PPID: variants seen among roughly 807,000 people sequenced by gnomAD.
The protein encoded by PPID is peptidylprolyl isomerase D.
A neutral mutation model predicts 48.1 loss-of-function variants in PPID; 47 were observed. That is an observed-to-expected ratio of 0.98 (90% CI 0.77 to 1.25). The LOEUF (loss-of-function observed/expected upper bound fraction) is 1.25. Ranked by LOEUF, PPID falls within the 50% of genes most tolerant of loss-of-function variation. The pLI, the probability that PPID is intolerant of heterozygous loss-of-function variation, is 0.00. For missense variants in PPID, 429 were observed against 443.5 expected (o/e 0.97, Z 0.29); for synonymous variants, 163 against 148.8 (o/e 1.10, Z -0.69).
In PPID at chr4:158,715,411, A is replaced by C; in HGVS notation, c.646-8T>G. ...TAATAAAATTTTATCTACCTGTATA[A>C]AAAAATACAAATATGTTGGATTTTA... On this transcript the variant is annotated splice_region_variant and splice_polypyrimidine_tract_variant and intron_variant, in intron 5 of 9. Transcript: ENST00000307720. 1 of 1,493,262 alleles carries C rather than the reference A, an allele frequency of 6.7e-7. No homozygotes were observed. The highest frequency in any genetic ancestry group is 9.0e-7 in the Non-Finnish European group (1 of 1,113,780). The allele number at this position is 1,493,262 out of a possible 1,614,324, so 92.5% of individuals were successfully genotyped here.
chr4:158,717,418 T>C (rs191551887), intron 3 of PPID, among the ~76,000 whole-genome samples: 1 of 152,314 alleles, frequency 6.6e-6, no homozygotes, highest in African/African-American at 2.4e-5. Context: ...ATGGGGCACT[T>C]AATCACTTTA....
At chr4:158,710,151 T>A in intron 9 of PPID, 1 of 343,946 alleles carries the variant, frequency 2.9e-6, no homozygotes, top group South Asian at 4.0e-5. Context: ...TCATAGTTGG[T>A]TTATTTGAAA....
rs6837290 is a variant in PPID, at chr4:158,721,568, G to A, written c.86-85C>T. ...GAAGGTTGGTATAATTATGGTAGCA[G>A]ATCAATCATGAATTACCAAGTTCCC... On this transcript the variant is annotated intron_variant, in intron 1 of 9. Transcript: ENST00000307720. The A allele has an allele frequency of 4.8e-4, 689 of 1,448,836 alleles. 2 individuals are homozygous for A. In the African/African-American group the frequency reaches 9.2e-3, roughly 19 times the overall value. The allele number at this position is 1,448,836 out of a possible 1,614,324, so 89.7% of individuals were successfully genotyped here. A position where few individuals can be genotyped will look rare whatever the true frequency, so the allele number is the denominator to read the frequency against.
chr4:158,718,671 A>C (rs1348794244), intron 3 of PPID, among the ~76,000 whole-genome samples: 2 of 152,186 alleles, frequency 1.3e-5, no homozygotes, highest in Non-Finnish European at 2.9e-5. Flanking sequence ...TTGTACTTAC[A>C]TGTCCATTCT....
rs1774869388 is a variant in PPID at position 158,716,164 on chromosome 4, G to A, written c.523-480C>T. Among the ~76,000 whole-genome samples the A allele has an allele frequency of 1.3e-5, 2 of 151,638 alleles. 1 individual carries two copies. Among genetic ancestry groups the A allele is most frequent in the Admixed American group, 1.3e-4 (2 of 15,204 alleles). ...TGGTTTCCAACTCCTGGTCTCAAGT[G>A]ATCCTCCCACCTCAGCCTCCCAAAG... On this transcript the variant is annotated intron_variant, in intron 4 of 9. Transcript: ENST00000307720.
chr4:158,709,879 GTGAC>G, intron 9 of PPID, 55 bp from the exon 10 acceptor site: 2 of 1,415,576 alleles, frequency 1.4e-6, no homozygotes, highest in Non-Finnish European at 2.0e-6. Context: ...AAAAATTATG[GTGAC>G]TAACAAACTA....
intron 9 of PPID, chr4:158,710,420 T>A: frequency 1.6e-6 from 1 of 611,846 alleles, no homozygotes; most frequent in Non-Finnish European, 2.9e-6. Context: ...AACTACTATA[T>A]TCTTGAATGG....
chr4:158,720,699 T>A (rs75889314), intron 2 of PPID, among the ~76,000 whole-genome samples: 12 of 34,896 alleles, frequency 3.4e-4, no homozygotes, highest in Non-Finnish European at 4.5e-4. Flanking sequence ...AATTATGCAT[T>A]TTTTTGTTTG....
intron 7 of PPID, among the ~76,000 whole-genome samples, chr4:158,711,744 C>G (rs1333659510): frequency 6.6e-6 from 1 of 151,882 alleles, no homozygotes; most frequent in Non-Finnish European, 1.5e-5. Flanking sequence ...GGCGGGTGGA[C>G]AGCTTGAGCC....
At chr4:158,714,631 C>T (rs1226550337) in intron 6 of PPID, among the ~76,000 whole-genome samples, 1 of 151,130 alleles carries the variant, frequency 6.6e-6, no homozygotes, top group Non-Finnish European at 1.5e-5. Context: ...CACTCTGTCG[C>T]CCAGGCTGGA....
intron 4 of PPID, 32 bp from the exon 5 acceptor site, chr4:158,715,716 A>C (rs1394875938): frequency 6.3e-7 from 1 of 1,589,380 alleles, no homozygotes; most frequent in South Asian, 1.1e-5. Flanking sequence ...GTAGAAGTGC[A>C]CTATCGTAAT....
chr4:158,715,130 T>C (rs911616268), intron 6 of PPID, among the ~76,000 whole-genome samples, 167 bp downstream of exon 6: 2 of 125,832 alleles, frequency 1.6e-5, no homozygotes, highest in Non-Finnish European at 3.3e-5. Context: ...CTTCTGTCTT[T>C]TGAAATTTCT....
At chr4:158,714,592 CTTTT>C (rs113579328) in intron 6 of PPID, among the ~76,000 whole-genome samples, 3 of 141,972 alleles carry the variant, frequency 2.1e-5, no homozygotes, top group Non-Finnish European at 3.1e-5. Flanking sequence ...ATATGGATTA[CTTTT>C]TTTTTTTTTT....
At chr4:158,713,772 G>T (rs976635935) in intron 6 of PPID, among the ~76,000 whole-genome samples, 11 of 100,298 alleles carry the variant, frequency 1.1e-4, no homozygotes, top group Non-Finnish European at 1.8e-4. Flanking sequence ...GGTAAGATGA[G>T]CTTAGAGCAA....
intron 4 of PPID, among the ~76,000 whole-genome samples, chr4:158,716,002 C>T (rs565782076): frequency 6.6e-6 from 1 of 152,294 alleles, no homozygotes; most frequent in Admixed American, 6.5e-5. Flanking sequence ...TGACAGCCTA[C>T]CTCCTACAAG....
In PPID at chr4:158,723,181, C is replaced by T. The variant is rs757659142; in HGVS notation, c.85+23G>A. On this transcript the variant is annotated intron_variant, in intron 1 of 9. Transcript: ENST00000307720. ...AACCCCCGCCTCCTCGGGGCTTTTC[C>T]GCGAGCGTCAGACTCCGCTCACCTC... 6 of 1,605,092 alleles carry T rather than the reference C, an allele frequency of 3.7e-6. No homozygotes were observed. The African/African-American group carries it at 4.0e-5, about 11-fold the overall frequency.
intron 7 of PPID, among the ~76,000 whole-genome samples, chr4:158,711,159 A>G (rs576560594): frequency 1.3e-5 from 2 of 152,306 alleles, no homozygotes; most frequent in African/African-American, 4.8e-5. Flanking sequence ...TACACTTTTT[A>G]CTTGAATTAT....
chr4:158,715,651 C>G lies in PPID; in HGVS notation c.556G>C (p.Glu186Gln), dbSNP rs1211094428. ...CVIAECGELK[E>Q]GDDGGIFPKD... ...GGGAATATTCCCCCGTCATCTCCTT[C>G]CTTCAATTCTCCACATTCTGCAATA... The change falls in exon 5 of 10, where the codon GAA (glutamate) becomes CAA (glutamine). Residue 186 changes from glutamate to glutamine, a missense_variant. Transcript: ENST00000307720. 1 of 1,610,314 alleles carries G rather than the reference C, an allele frequency of 6.2e-7. No individual in the cohort carries two copies. The highest frequency in any genetic ancestry group is 1.3e-5 in the African/African-American group (1 of 74,838).
chr4:158,716,976 G>A, intron 4 of PPID, 36 bp downstream of exon 4: 1 of 1,573,444 alleles, frequency 6.4e-7, no homozygotes, highest in Non-Finnish European at 8.7e-7. Flanking sequence ...TAGCAACTAA[G>A]ATAATAAGTG....
Sources: gnomAD v4.1 joint callset for allele counts (sites outside exome capture counted in the v4.1 genomes callset) on GRCh38, gnomAD v4.1.1 for gene constraint, MANE v1.5 for transcripts, NCBI Gene and HGNC (gene_info 2026-07-23, HGNC 2026-07-21) for gene names.